Variants in DNAH12 observed in about 807,000 individuals in gnomAD.
The protein encoded by DNAH12 is dynein axonemal heavy chain 12.
A neutral mutation model predicts 371.5 loss-of-function variants in DNAH12; 285 were observed. The ratio of observed to expected loss-of-function variants is 0.77; its 90% CI spans 0.70 to 0.85. The LOEUF (loss-of-function observed/expected upper bound fraction) is 0.85, where lower values mean the gene tolerates loss of function less well. DNAH12 is among the 40% of genes least tolerant of loss of function. DNAH12 has a pLI of 0.00. For missense variants in DNAH12, 3,611 were observed against 3,689.4 expected, an observed-to-expected ratio of 0.98 and a Z score of 0.55; for synonymous variants, 1,200 against 1,213.0, an observed-to-expected ratio of 0.99 and a Z score of 0.22.
chr3:57,450,250 T>TTAAAAAAAAA (rs559886102), intron 25 of DNAH12, among the ~76,000 whole-genome samples: 1 of 98,580 alleles, frequency 1.0e-5, no homozygotes, highest in Non-Finnish European at 2.0e-5. Context: ...TGTCTCAATT[T>TTAAAAAAAAA]AAAAAAAAAA....
At chr3:57,451,657 C>A (rs1430230441) in intron 25 of DNAH12, among the ~76,000 whole-genome samples, 1 of 152,022 alleles carries the variant, frequency 6.6e-6, no homozygotes, top group African/African-American at 2.4e-5. Context: ...ACAAAACAAA[C>A]AAAAAATTCT....
At chr3:57,356,745 G>T (rs987739994) in intron 59 of DNAH12, among the ~76,000 whole-genome samples, 11 of 151,412 alleles carry the variant, frequency 7.3e-5, no homozygotes, top group East Asian at 3.9e-4. Context: ...TTTTTATTTT[G>T]TATTTTTATT....
chr3:57,430,523 T>C (rs2064924632), intron 32 of DNAH12, among the ~76,000 whole-genome samples: 1 of 152,200 alleles, frequency 6.6e-6, no homozygotes, highest in Admixed American at 6.5e-5. Flanking sequence ...AAAACATTTC[T>C]TCTTTTATCA....
chr3:57,338,273 A>C (rs1375547618), intron 60 of DNAH12, among the ~76,000 whole-genome samples: 1 of 152,132 alleles, frequency 6.6e-6, no homozygotes, highest in Non-Finnish European at 1.5e-5. Context: ...CGGCCTCCCG[A>C]GGTGCTGGGA....
chr3:57,408,436 A>G lies in DNAH12; in HGVS notation c.6120T>C (p.Arg2040=), dbSNP rs1553681973. Residue 2040 remains arginine (R), a synonymous_variant, in exon 40 of 74, where the codon CGT becomes CGC. Transcript: ENST00000495027. ...TGCAGATGTTGAAATGTCGAATACA[A>G]CGGGGAGTAACTGGATTTCTTCCAC... The part of the protein sequence containing the change: ...PGGGRNPVTP[R]CIRHFNICSI... The G allele has an allele frequency of 6.4e-7, 1 of 1,551,584 alleles. No individual in the cohort carries two copies. Among genetic ancestry groups the G allele is most frequent in the South Asian group, 1.2e-5 (1 of 84,050 alleles).
At chr3:57,523,706 T>G in intron 3 of DNAH12, 97 bp from the exon 4 acceptor site, 1 of 1,282,544 alleles carries the variant, frequency 7.8e-7, no homozygotes, top group South Asian at 1.9e-5. Flanking sequence ...AATATATCTA[T>G]TATTCCTTTT....
chr3:57,428,604 T>C (rs1007208133), intron 34 of DNAH12, 29 bp downstream of exon 34: 5 of 1,512,646 alleles, frequency 3.3e-6, no homozygotes, highest in East Asian at 2.5e-5. Flanking sequence ...ACAAAGAAAC[T>C]TGAATAGGTC....
intron 62 of DNAH12, among the ~76,000 whole-genome samples, chr3:57,325,309 T>A (rs2061915842): frequency 6.6e-6 from 1 of 152,200 alleles, no homozygotes. Context: ...GCAGCCTAAC[T>A]GGGAGGCACC....
chr3:57,369,181 C>A, intron 55 of DNAH12, among the ~76,000 whole-genome samples: 1 of 145,768 alleles, frequency 6.9e-6, no homozygotes, highest in African/African-American at 2.5e-5. Context: ...GATTGCGCCA[C>A]TGCACTCCAG....
chr3:57,303,010 A>C (rs1453360171), intron 69 of DNAH12, among the ~76,000 whole-genome samples: 3 of 152,028 alleles, frequency 2.0e-5, no homozygotes, highest in Non-Finnish European at 2.9e-5. Context: ...ACCAGTAATA[A>C]CAGATCTCTT....
chr3:57,371,617 C>T (rs1380183821), intron 55 of DNAH12, among the ~76,000 whole-genome samples: 1 of 151,532 alleles, frequency 6.6e-6, no homozygotes, highest in African/African-American at 2.4e-5. Context: ...GCCATGATTG[C>T]ACTACTACAC....
At chr3:57,542,155 TGGGGG>T (rs35978339) in intron 2 of DNAH12, among the ~76,000 whole-genome samples, 3 of 82,330 alleles carry the variant, frequency 3.6e-5, no homozygotes, top group South Asian at 3.9e-4. Flanking sequence ...TCCACTAAAC[TGGGGG>T]GGGGGGGGGC....
chr3:57,468,665 T>C (rs931909408), intron 17 of DNAH12, 71 bp downstream of exon 17: 46 of 882,738 alleles, frequency 5.2e-5, no homozygotes, highest in Non-Finnish European at 7.1e-5. Flanking sequence ...GGCTTTATAA[T>C]TTATATATTA....
chr3:57,499,092 TAGTAA>T (rs2067421646), intron 11 of DNAH12, among the ~76,000 whole-genome samples: 1 of 152,122 alleles, frequency 6.6e-6, no homozygotes, highest in South Asian at 2.1e-4. Context: ...AACTTTATGC[TAGTAA>T]AAGAAATCAG....
Position 57,498,775 on chromosome 3 carries a change from G to A in DNAH12, c.1335+2546C>T, listed in dbSNP as rs570486243. ...AGCATTTTGGGAGGCCGAGGTGGGC[G>A]GATCATGAGGTCAGGAGGTCGAGAC... On this transcript the variant is annotated intron_variant, in intron 11 of 73. Coordinates refer to ENST00000495027, the MANE Select transcript of DNAH12 (RefSeq NM_001366028.2). 8.5e-5 allele frequency among the ~76,000 whole-genome samples: 13 copies of A among 152,188 alleles called. No individual in the cohort carries two copies. The South Asian group carries it at 1.0e-3, about 12-fold the overall frequency.
Position 57,296,384 on chromosome 3 carries a change from G to C in DNAH12, c.11584C>G (p.His3862Asp). 6.4e-7 allele frequency: 1 copy of C among 1,550,590 alleles called. No homozygotes were observed. Among genetic ancestry groups the C allele is most frequent in the Non-Finnish European group, 8.7e-7 (1 of 1,146,434 alleles). ...CGTGCGCCATCGAGATACAGTCCGT[G>C]GATATAAACACCATCTTCTGGTGAT... is the stretch of plus-strand genomic sequence containing the variant. ...DTSPEDGVYIHGLYLDGARWD... is the reference protein window; with the variant it reads ...DTSPEDGVYIDGLYLDGARWD... The change falls in exon 72 of 74, where the codon CAC (histidine) becomes GAC (aspartate). Residue 3862 changes from histidine (H) to aspartate (D), a missense_variant. Transcript: ENST00000495027.
intron 73 of DNAH12, among the ~76,000 whole-genome samples, 190 bp from the exon 74 acceptor site, chr3:57,294,161 T>C (rs2061180830): frequency 1.4e-5 from 2 of 146,426 alleles, no homozygotes; most frequent in Admixed American, 7.4e-5. Flanking sequence ...ACAAGGCAAG[T>C]ATTTCTTTTC....
chr3:57,521,337 A>G (rs1224090810), intron 4 of DNAH12, among the ~76,000 whole-genome samples: 2 of 151,914 alleles, frequency 1.3e-5, no homozygotes, highest in Non-Finnish European at 2.9e-5. Context: ...CATTGAAAAG[A>G]CTATTCTTCC....
At chr3:57,299,418 G>A (rs2061300595) in intron 70 of DNAH12, among the ~76,000 whole-genome samples, 2 of 152,076 alleles carry the variant, frequency 1.3e-5, no homozygotes, top group Admixed American at 1.3e-4. Flanking sequence ...AGAAAGATGA[G>A]TAACTTGCTA....
Sources: gnomAD v4.1 joint callset for allele counts (sites outside exome capture counted in the v4.1 genomes callset) on GRCh38, gnomAD v4.1.1 for gene constraint, MANE v1.5 for transcripts, NCBI Gene and HGNC (gene_info 2026-07-23, HGNC 2026-07-21) for gene names.